Variants in MACF1 observed in about 807,000 individuals in gnomAD.
MACF1 encodes microtubule-actin cross-linking factor 1.
Under a neutral mutation model 854.8 loss-of-function variants are expected in MACF1, and 193 were observed. The ratio of observed to expected loss-of-function variants is 0.23; its 90% CI spans 0.20 to 0.25. The LOEUF is 0.25. MACF1 is among the 10% of genes least tolerant of loss of function. MACF1 has a pLI of 1.00. For missense variants in MACF1, 7,722 were observed against 8,929.1 expected, an observed-to-expected ratio of 0.86 and a Z score of 5.45; for synonymous variants, 3,185 against 3,226.7, an observed-to-expected ratio of 0.99 and a Z score of 0.44.
At chr1:39,347,323 T>A in intron 41 of MACF1, 113 bp downstream of exon 41, 1 of 806,282 alleles carries the variant, frequency 1.2e-6, no homozygotes, top group Non-Finnish European at 2.0e-6. Context: ...TTTACCAATT[T>A]TGAAATTTCA....
intron 1 of MACF1, among the ~76,000 whole-genome samples, chr1:39,215,098 C>T (rs1467474685): frequency 1.3e-5 from 2 of 152,180 alleles, no homozygotes; most frequent in Non-Finnish European, 2.9e-5. Context: ...AGAGTTGGTG[C>T]TACTTTTGAA....
chr1:39,156,700 G>A (rs921947458), intron 2 of MACF1, among the ~76,000 whole-genome samples: 2 of 152,152 alleles, frequency 1.3e-5, no homozygotes, highest in South Asian at 4.2e-4. Context: ...TGAAATCCTG[G>A]GATTGACTCT....
At chr1:39,167,480 G>A (rs1031005274) in intron 2 of MACF1, among the ~76,000 whole-genome samples, 2 of 151,872 alleles carry the variant, frequency 1.3e-5, no homozygotes, top group Admixed American at 1.3e-4. Flanking sequence ...GCCGAGGTGA[G>A]CGGATCACCT....
intron 2 of MACF1, among the ~76,000 whole-genome samples, chr1:39,247,111 T>C (rs4411126): frequency 0.9 from 122,855 of 136,938 alleles, 56,406 homozygotes; most frequent in South Asian, 0.99. Context: ...TTCGCTCTGT[T>C]GCCCAGGCTG....
At chr1:39,437,101 T>C (rs1643996171) in intron 70 of MACF1, among the ~76,000 whole-genome samples, 2 of 152,194 alleles carry the variant, frequency 1.3e-5, no homozygotes, top group South Asian at 2.1e-4. Context: ...ATCTCAGATG[T>C]TGACATACTG....
rs567767237 is a variant in MACF1 at position 39,375,111 on chromosome 1, A to AAAAT, written c.13213+2534_13213+2537dup. Reference sequence around the variant, plus strand: ...GGTGACAGAGCGAGACTCCATCTCAAAAATAAATAAATAAATAAATAATAA... The same window carrying AAAAT: ...GGTGACAGAGCGAGACTCCATCTCAAAAATAAATAAATAAATAAATAAATAATAA... On this transcript the variant is annotated intron_variant, in intron 52 of 100. Coordinates refer to ENST00000564288, the MANE Select transcript of MACF1 (RefSeq NM_001394062.1). Among the ~76,000 whole-genome samples, 967 of 151,880 alleles carry AAAAT rather than the reference A, an allele frequency of 6.4e-3. 1 individual carries two copies. The highest frequency in any genetic ancestry group is 0.013 in the African/African-American group (538 of 41,448).
chr1:39,403,988 G>A (rs1404705782), intron 58 of MACF1, among the ~76,000 whole-genome samples: 1 of 151,944 alleles, frequency 6.6e-6, no homozygotes, highest in Non-Finnish European at 1.5e-5. Context: ...AATTAGCCAG[G>A]TGTGGTGGTG....
In MACF1 at chr1:39,316,489, C is replaced by G. The variant is rs1186055409; in HGVS notation, c.3548C>G (p.Ala1183Gly). The stretch of plus-strand genomic sequence containing the variant: ...CTGAGTCAAGAAGAAGTAGTACTGG[C>G]AGATCTCTCAGCTCTGGAGGCCCAT... ...IKLSQEEVVL[A>G]DLSALEAHWS... The change falls in exon 28 of 101, where the codon GCA becomes GGA. Residue 1183 changes from alanine (A) to glycine (G), a missense_variant. Physicochemically the swap from Ala to Gly is moderately conservative, Grantham distance 60. Around this residue, in one of 15 missense-constraint regions of MACF1, gnomAD observed 1,137 missense variants for 1,263.0 expected, o/e 0.90. Transcript: ENST00000564288. The G allele has an allele frequency of 1.2e-6, 2 of 1,613,670 alleles. No individual in the cohort carries two copies. Among genetic ancestry groups the G allele is most frequent in the Non-Finnish European group, 1.7e-6 (2 of 1,179,744 alleles).
chr1:39,112,300 G>A (rs1448499349), intron 2 of MACF1, among the ~76,000 whole-genome samples: 1 of 151,902 alleles, frequency 6.6e-6, no homozygotes, highest in Admixed American at 6.6e-5. Context: ...TGGCCAGGCT[G>A]GTCTCAAACT....
chr1:39,202,701 T>G (rs1644407387), upstream of MACF1, among the ~76,000 whole-genome samples: 1 of 152,184 alleles, frequency 6.6e-6, no homozygotes, highest in African/African-American at 2.4e-5. Flanking sequence ...TCTCCTTTAG[T>G]ATTCTCCATA....
At chr1:39,390,321 T>C (rs186477746) in intron 58 of MACF1, among the ~76,000 whole-genome samples, 4 of 152,358 alleles carry the variant, frequency 2.6e-5, no homozygotes, top group East Asian at 3.9e-4. Flanking sequence ...AGAGGTAATG[T>C]TGACACCAGC....
chr1:39,333,088 C>A lies in MACF1; in HGVS notation c.6500C>A (p.Ser2167Tyr), dbSNP rs1646754765. ...KKEHQPLRNT[S>Y]FTCQNEQAHT... Reference sequence around the variant, plus strand: ...GAACATCAACCTCTAAGAAACACTTCCTTTACATGTCAGAATGAACAAGCA... The same window carrying A: ...GAACATCAACCTCTAAGAAACACTTACTTTACATGTCAGAATGAACAAGCA... Residue 2167 changes from serine (S) to tyrosine (Y), a missense_variant, in exon 37 of 101, where the codon TCC (serine) becomes TAC (tyrosine). Around this residue, in one of 15 missense-constraint regions of MACF1, gnomAD observed 1,531 missense variants for 1,601.6 expected, o/e 0.96. Transcript: ENST00000564288. 8.1e-6 allele frequency: 13 copies of A among 1,613,942 alleles called. No individual in the cohort carries two copies. In the East Asian group the frequency reaches 2.7e-4, roughly 33 times the overall value.
In MACF1 at chr1:39,370,147, G is replaced by A. The variant is rs1649101497; in HGVS notation, c.13056G>A (p.Met4352Ile). 1 of 1,613,192 alleles carries A rather than the reference G, an allele frequency of 6.2e-7. No individual in the cohort carries two copies. The change falls in exon 51 of 101, where the codon ATG (methionine) becomes ATA (isoleucine). Residue 4352 changes from methionine to isoleucine, a missense_variant. Physicochemically the swap from Met to Ile is conservative, Grantham distance 10. Around this residue, in one of 15 missense-constraint regions of MACF1, gnomAD observed 2,807 missense variants for 3,235.8 expected, o/e 0.87. Transcript: ENST00000564288. ...GTATTCCACCTACGGAAACTTCTAT[G>A]AGTGCTAAAGAGTTAGAAAAGCAGA... ...EGSIPPTETS[M>I]SAKELEKQIE...
intron 2 of MACF1, among the ~76,000 whole-genome samples, chr1:39,120,627 G>A (rs942887656): frequency 4.6e-5 from 7 of 152,160 alleles, no homozygotes; most frequent in Non-Finnish European, 1.0e-4. Context: ...CTCCCAAAGT[G>A]TTGGGATTAC....
At chr1:39,377,118 C>T (rs999827704) in intron 52 of MACF1, among the ~76,000 whole-genome samples, 1 of 152,116 alleles carries the variant, frequency 6.6e-6, no homozygotes, top group African/African-American at 2.4e-5. Context: ...TCAATCGATT[C>T]TCCTGCCTCA....
chr1:39,391,470 G>T (rs1217767990), intron 58 of MACF1, among the ~76,000 whole-genome samples: 1 of 152,078 alleles, frequency 6.6e-6, no homozygotes, highest in Non-Finnish European at 1.5e-5. Context: ...CCATGATATT[G>T]GTTATTATTT....
chr1:39,327,433 T>G (rs1466683723), intron 36 of MACF1, 80 bp downstream of exon 36: 1 of 1,417,258 alleles, frequency 7.1e-7, no homozygotes, highest in Non-Finnish European at 9.6e-7. Context: ...TTCAGAGTCA[T>G]GATCACTAGC....
intron 93 of MACF1, 109 bp from the exon 94 acceptor site, chr1:39,463,503 A>T: frequency 1.3e-6 from 1 of 745,872 alleles, no homozygotes; most frequent in Non-Finnish European, 2.3e-6. Context: ...AAAAAAAAAA[A>T]AATGTAAATA....
intron 58 of MACF1, among the ~76,000 whole-genome samples, chr1:39,406,857 A>ATGATATC (rs1473441377): frequency 2.6e-5 from 4 of 151,872 alleles, no homozygotes; most frequent in Non-Finnish European, 5.9e-5. Context: ...ACAGTCTGTT[A>ATGATATC]TGATATCTGA....
Sources: gnomAD v4.1 joint callset for allele counts (sites outside exome capture counted in the v4.1 genomes callset) on GRCh38, gnomAD v4.1.1 for gene constraint, gnomAD v4.1.1 regional missense constraint, MANE v1.5 for transcripts, NCBI Gene and HGNC (gene_info 2026-07-23, HGNC 2026-07-21) for gene names.